Variants in SCN9A observed in about 807,000 individuals in gnomAD.
The protein encoded by SCN9A is sodium channel protein type 9 subunit alpha.
SCN9A carries 131 observed loss-of-function variants against 187.0 expected under a neutral mutation model. The ratio of observed to expected loss-of-function variants is 0.70; its 90% confidence interval spans 0.61 to 0.81. SCN9A has a LOEUF of 0.81. Among genes scored for constraint, SCN9A ranks in the 30% least tolerant of loss-of-function variants. The probability of loss-of-function intolerance (pLI) is 0.00; values close to 1 mark genes in which losing one functional copy is unlikely to be tolerated. For synonymous variants in SCN9A, 809 were observed against 808.6 expected (o/e 1.00, Z -0.01); for missense variants, 2,252 against 2,396.6 (o/e 0.94, Z 1.26).
In SCN9A at chr2:166,324,464, C is replaced by T. The variant is rs192658579; in HGVS notation, c.-50-12658G>A. Among the ~76,000 whole-genome samples, 307 of 152,134 alleles carry T rather than the reference C, an allele frequency of 2.0e-3. 1 individual carries two copies. Among genetic ancestry groups the T allele is most frequent in the South Asian group, 3.5e-3 (17 of 4,824 alleles). ...CTAACTGTTGTAAAATGAAATACTG[C>T]TTTGAAAATGTCACTTCTCTAGAAA... is the stretch of plus-strand genomic sequence containing the variant. On this transcript the variant is annotated intron_variant, in intron 1 of 26. Transcript: ENST00000642356.
In SCN9A at chr2:166,357,338, C is replaced by G. The variant is rs60056351; in HGVS notation, c.-51+18359G>C. Among the ~76,000 whole-genome samples the G allele has an allele frequency of 4.1e-3, 630 of 152,202 alleles. 22 individuals are homozygous for G. The East Asian group carries it at 0.083, about 20-fold the overall frequency. ...AATATTGCCGAATTCTCTTTTGTTA[C>G]CTAGTGTAACGCCTACAGGGCCATA... On this transcript the variant is annotated intron_variant, in intron 1 of 26. Coordinates refer to ENST00000642356, the MANE Select transcript of SCN9A (RefSeq NM_001365536.1).
intron 7 of SCN9A, among the ~76,000 whole-genome samples, chr2:166,300,066 A>G (rs572719385): frequency 1.3e-5 from 2 of 150,902 alleles, no homozygotes; most frequent in South Asian, 4.2e-4. Flanking sequence ...GAGAGAAGCA[A>G]CCTTCAACTT....
At chr2:166,296,674 G>A (rs1198450384) in intron 7 of SCN9A, among the ~76,000 whole-genome samples, 2 of 152,112 alleles carry the variant, frequency 1.3e-5, no homozygotes, top group Non-Finnish European at 2.9e-5. Flanking sequence ...CTATACTACT[G>A]TATTTAACAC....
intron 1 of SCN9A, among the ~76,000 whole-genome samples, chr2:166,332,642 T>C (rs571703952): frequency 7.4e-4 from 112 of 152,250 alleles, no homozygotes; most frequent in African/African-American, 2.3e-3. Context: ...TACTATAAAA[T>C]AGATATGATG....
intron 1 of SCN9A, among the ~76,000 whole-genome samples, chr2:166,362,131 G>T (rs1167447060): frequency 6.6e-6 from 1 of 152,046 alleles, no homozygotes; most frequent in Non-Finnish European, 1.5e-5. Context: ...AGCAAAGGAA[G>T]GGGGTAATCT....
chr2:166,268,888 T>G (rs1238063522), intron 17 of SCN9A, among the ~76,000 whole-genome samples: 1 of 151,948 alleles, frequency 6.6e-6, no homozygotes, highest in African/African-American at 2.4e-5. Flanking sequence ...ACTAAGAACC[T>G]GAGTTCTTAA....
At chr2:166,267,993 A>C in intron 17 of SCN9A, among the ~76,000 whole-genome samples, 1 of 151,972 alleles carries the variant, frequency 6.6e-6, no homozygotes, top group African/African-American at 2.4e-5. Context: ...TGTCTTTCAC[A>C]CACTAAAATT....
At chr2:166,211,731 T>G (rs1694104032) in intron 24 of SCN9A, among the ~76,000 whole-genome samples, 1 of 151,762 alleles carries the variant, frequency 6.6e-6, no homozygotes, top group African/African-American at 2.4e-5. Context: ...TATAAGATAT[T>G]TGTGATTGCC....
chr2:166,261,851 T>C (rs1035634039), intron 17 of SCN9A, among the ~76,000 whole-genome samples: 3 of 151,904 alleles, frequency 2.0e-5, no homozygotes, highest in African/African-American at 7.2e-5. Context: ...TGAAAGATAA[T>C]ATAATAATAA....
In SCN9A at chr2:166,306,582, A is replaced by C; in HGVS notation, c.395T>G (p.Ile132Ser). 6.3e-7 allele frequency: 1 copy of C among 1,577,546 alleles called. No individual in the cohort carries two copies. Among genetic ancestry groups the C allele is most frequent in the East Asian group, 2.3e-5 (1 of 43,920 alleles). Reference sequence around the variant, plus strand: ...GCAGTTTGTCAGAATAGTGCACATGATGAGCATGCTGAATAAGGTAGCTTA... The same window carrying C: ...GCAGTTTGTCAGAATAGTGCACATGCTGAGCATGCTGAATAAGGTAGCTTA... The part of the protein sequence containing the change: ...ILVHSLFSML[I>S]MCTILTNCIF... Residue 132 changes from isoleucine (I) to serine (S), a missense_variant, in exon 4 of 27, where the codon ATC becomes AGC. Coordinates refer to ENST00000642356, the MANE Select transcript of SCN9A (RefSeq NM_001365536.1).
chr2:166,249,431 A>G (rs1274439505), intron 18 of SCN9A: 1 of 152,110 alleles, frequency 6.6e-6, no homozygotes, highest in Non-Finnish European at 1.5e-5. Flanking sequence ...GATTATGTGA[A>G]TACACGGTTG....
At chr2:166,340,164 T>C (rs1449027984) in intron 1 of SCN9A, among the ~76,000 whole-genome samples, 1 of 152,124 alleles carries the variant, frequency 6.6e-6, no homozygotes, top group Non-Finnish European at 1.5e-5. Flanking sequence ...AAATAACACA[T>C]CTTGGGAAGA....
intron 1 of SCN9A, among the ~76,000 whole-genome samples, chr2:166,350,276 C>T (rs1471693981): frequency 1.3e-5 from 2 of 152,174 alleles, no homozygotes; most frequent in Admixed American, 6.5e-5. Context: ...TATGGGGATG[C>T]CCCTCCAGGA....
intron 17 of SCN9A, among the ~76,000 whole-genome samples, chr2:166,254,502 C>T (rs556294190): frequency 2.9e-4 from 44 of 151,004 alleles, no homozygotes; most frequent in East Asian, 5.9e-4. Flanking sequence ...TTTTTTCCTG[C>T]GGTGAAATAT....
intron 8 of SCN9A, among the ~76,000 whole-genome samples, chr2:166,294,322 G>A (rs1698207204): frequency 6.6e-6 from 1 of 152,098 alleles, no homozygotes; most frequent in Non-Finnish European, 1.5e-5. Context: ...CCAACTTTTG[G>A]TGGAGTTTTC....
At chr2:166,234,482 T>C (rs1054926109) in intron 20 of SCN9A, among the ~76,000 whole-genome samples, 1 of 152,174 alleles carries the variant, frequency 6.6e-6, no homozygotes, top group African/African-American at 2.4e-5. Flanking sequence ...GAAAAAGTCA[T>C]TGTTCACAAA....
chr2:166,297,222 A>AAAAAAAAAAAAAAAAAAAAAC (rs1698353316), intron 7 of SCN9A, among the ~76,000 whole-genome samples: 1 of 139,776 alleles, frequency 7.2e-6, no homozygotes, highest in Non-Finnish European at 1.6e-5. Context: ...AAAAAAAAAA[A>AAAAAAAAAAAAAAAAAAAAAC]AAAAAGAACC....
At position 166,199,119 on chromosome 2, in the gene SCN9A, G is replaced by A. The variant is rs1472060368; in HGVS notation, c.5520C>T (p.Asp1840=). 5 of 1,614,040 alleles carry A rather than the reference G, an allele frequency of 3.1e-6. No homozygotes were observed. The highest frequency in any genetic ancestry group is 1.3e-5 in the African/African-American group (1 of 74,904). ...CACGCTTTGTAAAAGCAAATAAGAT[G>A]TCAAGACAATGGATCCGGTCACCAC... ...MVSGDRIHCL[D]ILFAFTKRVL... Residue 1840 remains aspartate (D), a synonymous_variant, in exon 27 of 27, where the codon GAC becomes GAT. Transcript: ENST00000642356.
At position 166,233,331 on chromosome 2, in the gene SCN9A, T is replaced by G; in HGVS notation, c.3924+9A>C. The G allele has an allele frequency of 6.6e-7, 1 of 1,512,162 alleles. No individual in the cohort carries two copies. Among genetic ancestry groups the G allele is most frequent in the Non-Finnish European group, 8.8e-7 (1 of 1,136,692 alleles). The allele number at this position is 1,512,162 out of a possible 1,614,324, so 93.7% of individuals were successfully genotyped here. On this transcript the variant is annotated intron_variant, in intron 21 of 26. Coordinates refer to ENST00000642356, the MANE Select transcript of SCN9A (RefSeq NM_001365536.1). ...AATAAGAACATTATAAAGTTTAGTA[T>G]TTTCTTACCCTCATTCCTTCAAATC...
Sources: gnomAD v4.1 joint callset for allele counts (sites outside exome capture counted in the v4.1 genomes callset) on GRCh38, gnomAD v4.1.1 for gene constraint, MANE v1.5 for transcripts, NCBI Gene and HGNC (gene_info 2026-07-23, HGNC 2026-07-21) for gene names.